Variants in CRIM1 observed in about 807,000 individuals in gnomAD.
The protein encoded by CRIM1 is cysteine rich transmembrane BMP regulator 1, also known as cysteine-rich motor neuron 1 protein.
A neutral mutation model predicts 116.4 loss-of-function variants in CRIM1; 32 were observed. The ratio of observed to expected loss-of-function variants is 0.27; its 90% CI spans 0.21 to 0.37. The LOEUF is 0.37. CRIM1 is among the 10% of genes least tolerant of loss of function. CRIM1 has a pLI of 1.00. For missense variants in CRIM1, 1,331 were observed against 1,354.8 expected (o/e 0.98, Z 0.28); for synonymous variants, 590 against 509.2 (o/e 1.16, Z -2.13).
chr2:36,385,509 G>A (rs939200432), intron 1 of CRIM1, among the ~76,000 whole-genome samples: 13 of 152,124 alleles, frequency 8.5e-5, no homozygotes, highest in Admixed American at 2.0e-4. Flanking sequence ...TGGGTTTTCA[G>A]TTCTGATGGC....
At chr2:36,495,693 G>C (rs971319964) in intron 7 of CRIM1, among the ~76,000 whole-genome samples, 5 of 151,732 alleles carry the variant, frequency 3.3e-5, no homozygotes, top group African/African-American at 4.8e-5. Flanking sequence ...TCTCACTTTG[G>C]AGCTAATTAT....
chr2:36,388,769 TCATGAAA>T (rs10615809), intron 1 of CRIM1, among the ~76,000 whole-genome samples: 79,787 of 151,136 alleles, frequency 0.53, 21,513 homozygotes, highest in East Asian at 0.73. Flanking sequence ...ATTTCTTGTT[TCATGAAA>T]CATGAAACAT....
chr2:36,447,601 A>G (rs866890819), intron 4 of CRIM1, among the ~76,000 whole-genome samples: 6 of 152,176 alleles, frequency 3.9e-5, no homozygotes, highest in African/African-American at 1.4e-4. Flanking sequence ...CAGGAGAGGA[A>G]GTTGCAAAGC....
At chr2:36,422,383 G>A (rs1022410463) in intron 2 of CRIM1, among the ~76,000 whole-genome samples, 1 of 152,058 alleles carries the variant, frequency 6.6e-6, no homozygotes, top group African/African-American at 2.4e-5. Context: ...ATAAAAGGTG[G>A]CAGGGTGGTA....
intron 4 of CRIM1, among the ~76,000 whole-genome samples, chr2:36,446,830 G>T (rs1676278714): frequency 6.6e-6 from 1 of 152,190 alleles, no homozygotes; most frequent in Admixed American, 6.5e-5. Context: ...GACAAAAAGG[G>T]AAAATGGGAC....
rs1008105239 is a variant in CRIM1, at chr2:36,544,243, A to C, written c.2624-133A>C. 2.4e-5 allele frequency: 17 copies of C among 701,300 alleles called. No individual in the cohort carries two copies. In the African/African-American group the frequency reaches 3.2e-4, roughly 13 times the overall value. The allele number at this position is 701,300 out of a possible 1,614,324, so 43.4% of individuals were successfully genotyped here. A position where few individuals can be genotyped will look rare whatever the true frequency, so the allele number is the denominator to read the frequency against. ...TCTAGCATGAGTGATGAATGATGTA[A>C]ATGGCAGAAACTGCATCTTTCATGT... On this transcript the variant is annotated intron_variant, in intron 14 of 16. Coordinates refer to ENST00000280527, the MANE Select transcript of CRIM1 (RefSeq NM_016441.3).
intron 1 of CRIM1, among the ~76,000 whole-genome samples, chr2:36,392,305 C>T (rs995455185): frequency 6.6e-6 from 1 of 152,120 alleles, no homozygotes; most frequent in African/African-American, 2.4e-5. Flanking sequence ...TGGTATCTTG[C>T]AGAAATTATA....
intron 7 of CRIM1, among the ~76,000 whole-genome samples, chr2:36,491,980 C>T (rs956345869): frequency 1.3e-5 from 2 of 151,978 alleles, no homozygotes; most frequent in Admixed American, 1.3e-4. Context: ...AGCTGGATTC[C>T]TGGAAAAAGA....
intron 4 of CRIM1, among the ~76,000 whole-genome samples, chr2:36,456,443 C>A (rs549871780): frequency 2.1e-4 from 32 of 152,326 alleles, no homozygotes; most frequent in Admixed American, 6.5e-4. Context: ...TTCTCCACTT[C>A]CCAGCCCAGT....
chr2:36,411,857 C>T lies in CRIM1; in HGVS notation c.505+15070C>T, dbSNP rs115577654. ...TTCTAAGAATCGATGTAATATTATG[C>T]ACTTTGTAAATAGCTTATAGAGGAT... On this transcript the variant is annotated intron_variant, in intron 2 of 16. Coordinates refer to ENST00000280527, the MANE Select transcript of CRIM1 (RefSeq NM_016441.3). Among the ~76,000 whole-genome samples the T allele has an allele frequency of 3.7e-3, 556 of 152,230 alleles. 2 individuals carry two copies. The highest frequency in any genetic ancestry group is 0.013 in the African/African-American group (535 of 41,524).
intron 4 of CRIM1, among the ~76,000 whole-genome samples, chr2:36,461,687 T>C (rs1430009369): frequency 5.3e-5 from 8 of 152,212 alleles, no homozygotes; most frequent in Non-Finnish European, 1.0e-4. Context: ...TTTGTAGATA[T>C]AACAGACTTC....
intron 4 of CRIM1, among the ~76,000 whole-genome samples, chr2:36,458,925 G>A (rs1409017511): frequency 6.6e-6 from 1 of 152,140 alleles, no homozygotes; most frequent in East Asian, 1.9e-4. Flanking sequence ...GACAGTATTG[G>A]ATAAATTGGT....
At chr2:36,547,846 TC>T (rs1667460052) in intron 16 of CRIM1, among the ~76,000 whole-genome samples, 1 of 152,230 alleles carries the variant, frequency 6.6e-6, no homozygotes, top group Non-Finnish European at 1.5e-5. Flanking sequence ...CATAATCCCT[TC>T]CAACTCTAAT....
Position 36,479,509 on chromosome 2 carries a change from C to T in CRIM1, c.1187C>T (p.Pro396Leu), listed in dbSNP as rs143510576. The T allele has an allele frequency of 6.2e-7, 1 of 1,614,184 alleles. No homozygotes were observed. The highest frequency in any genetic ancestry group is 1.3e-5 in the African/African-American group (1 of 75,064). ...CCPVCEDPVY[P>L]FNNPAGCYAN... ...TGTTCTCATTTAGATCCAGTGTATC[C>T]TTTTAATAATCCCGCTGGCTGCTAT... The change falls in exon 7 of 17, where the codon CCT becomes CTT. Residue 396 changes from proline (P) to leucine (L), a missense_variant. Transcript: ENST00000280527.
chr2:36,472,037 T>A (rs1455673999), intron 5 of CRIM1, among the ~76,000 whole-genome samples: 4 of 152,116 alleles, frequency 2.6e-5, no homozygotes, highest in Admixed American at 6.5e-5. Context: ...CTTTTAGGAG[T>A]TCTGAAGTAT....
At chr2:36,424,493 G>T (rs1674304071) in intron 2 of CRIM1, among the ~76,000 whole-genome samples, 2 of 152,160 alleles carry the variant, frequency 1.3e-5, no homozygotes, top group South Asian at 4.1e-4. Flanking sequence ...CATATCTGAT[G>T]AAAAGCACAG....
At chr2:36,514,906 G>A (rs574185036) in intron 11 of CRIM1, among the ~76,000 whole-genome samples, 3 of 152,312 alleles carry the variant, frequency 2.0e-5, no homozygotes, top group South Asian at 2.1e-4. Flanking sequence ...TGTAGAAAAC[G>A]AGATTACAAT....
chr2:36,406,633 C>CCAA (rs1558548535), intron 2 of CRIM1, among the ~76,000 whole-genome samples: 10 of 118,218 alleles, frequency 8.5e-5, no homozygotes, highest in African/African-American at 1.8e-4. Context: ...CCCCCCCCCC[C>CCAA]AAAAAAAAAC....
chr2:36,548,648 A>T lies in CRIM1; in HGVS notation c.3058A>T (p.Ser1020Cys). 1 of 1,611,474 alleles carries T rather than the reference A, an allele frequency of 6.2e-7. No homozygotes were observed. Among genetic ancestry groups the T allele is most frequent in the Non-Finnish European group, 8.5e-7 (1 of 1,179,104 alleles). ...AGATGCAAGATTCAGTGGCTTCTAC[A>T]GCATGCAAAAACAGAACCATCTACA... ...EPDARFSGFY[S>C]MQKQNHLQAD... is the part of the protein sequence containing the mutation. Residue 1020 changes from serine (S) to cysteine (C), a missense_variant, in exon 17 of 17, where the codon AGC becomes TGC. By Grantham distance (112) the Ser-to-Cys change is moderately radical. Coordinates refer to ENST00000280527, the MANE Select transcript of CRIM1 (RefSeq NM_016441.3).
Sources: gnomAD v4.1 joint callset for allele counts (sites outside exome capture counted in the v4.1 genomes callset) on GRCh38, gnomAD v4.1.1 for gene constraint, MANE v1.5 for transcripts, NCBI Gene and HGNC (gene_info 2026-07-23, HGNC 2026-07-21) for gene names.